The following B3GALT1 variants were observed in gnomAD, a reference collection of about 807,000 sequenced individuals.
The protein encoded by B3GALT1 is beta-1,3-galactosyltransferase 1, also known as UDP-Gal:betaGlcNAc beta 1,3-galactosyltransferase, polypeptide 1.
In B3GALT1, 10 loss-of-function variants were observed where a neutral mutation model predicts 23.2. That is an observed-to-expected ratio of 0.43 (90% CI 0.27 to 0.73). The LOEUF is 0.73. B3GALT1 is among the 30% of genes least tolerant of loss of function. The probability of loss-of-function intolerance (pLI) is 0.21; values close to 1 mark genes in which losing one functional copy is unlikely to be tolerated. For missense variants in B3GALT1, 299 were observed against 405.4 expected (o/e 0.74, Z 2.25); for synonymous variants, 156 against 141.5 (o/e 1.10, Z -0.73).
chr2:167,382,912 G>T (rs1697865461), intron 1 of B3GALT1, among the ~76,000 whole-genome samples: 1 of 152,206 alleles, frequency 6.6e-6, no homozygotes, highest in East Asian at 1.9e-4. Flanking sequence ...TACTGAAAGA[G>T]TTGGATTCAA....
At chr2:167,658,358 T>A (rs781650430) in intron 3 of B3GALT1, among the ~76,000 whole-genome samples, 51 of 152,038 alleles carry the variant, frequency 3.4e-4, no homozygotes, top group Non-Finnish European at 6.8e-4. Flanking sequence ...AAATTGATGA[T>A]TTAGTGAGAG....
At chr2:167,693,585 G>C (rs1268622973) in intron 3 of B3GALT1, among the ~76,000 whole-genome samples, 1 of 151,920 alleles carries the variant, frequency 6.6e-6, no homozygotes, top group Non-Finnish European at 1.5e-5. Context: ...CTCATAAATA[G>C]GAAAAAAGAA....
At chr2:167,402,725 G>A (rs1698212971) in intron 1 of B3GALT1, among the ~76,000 whole-genome samples, 1 of 152,090 alleles carries the variant, frequency 6.6e-6, no homozygotes, top group Non-Finnish European at 1.5e-5. Flanking sequence ...TCAGAGCTCT[G>A]CTTTTAATAA....
intron 1 of B3GALT1, among the ~76,000 whole-genome samples, chr2:167,404,043 G>C (rs1698236517): frequency 6.6e-6 from 1 of 152,082 alleles, no homozygotes; most frequent in African/African-American, 2.4e-5. Flanking sequence ...TTTGCTCACA[G>C]TTCTTCAGGC....
chr2:167,783,927 G>T (rs942537554), intron 3 of B3GALT1, among the ~76,000 whole-genome samples: 1 of 152,192 alleles, frequency 6.6e-6, no homozygotes. Flanking sequence ...GTGTAAAACA[G>T]AAATAAGCAT....
intron 2 of B3GALT1, among the ~76,000 whole-genome samples, chr2:167,513,180 C>A (rs1457531706): frequency 6.6e-6 from 1 of 151,100 alleles, no homozygotes; most frequent in Non-Finnish European, 1.5e-5. Flanking sequence ...AAGTCATCAG[C>A]CATGTATAAA....
At chr2:167,706,719 G>C (rs941266718) in intron 3 of B3GALT1, among the ~76,000 whole-genome samples, 2 of 152,214 alleles carry the variant, frequency 1.3e-5, no homozygotes, top group Non-Finnish European at 2.9e-5. Flanking sequence ...CCCCAGAAAT[G>C]ATTTTGGGAT....
At chr2:167,729,994 C>A (rs1472625103) in intron 3 of B3GALT1, among the ~76,000 whole-genome samples, 2 of 152,108 alleles carry the variant, frequency 1.3e-5, no homozygotes, top group Non-Finnish European at 2.9e-5. Flanking sequence ...GCCATCTTGG[C>A]TTATAGCTGA....
chr2:167,591,467 T>A (rs1227123), intron 2 of B3GALT1, among the ~76,000 whole-genome samples: 128,677 of 150,540 alleles, frequency 0.85, 55,367 homozygotes, highest in African/African-American at 0.96. Context: ...TTAATTAATT[T>A]ATTTATTTAT....
intron 1 of B3GALT1, among the ~76,000 whole-genome samples, chr2:167,468,794 C>T (rs542498553): frequency 1.3e-5 from 2 of 152,144 alleles, no homozygotes; most frequent in Admixed American, 6.6e-5. Flanking sequence ...TAGCTTGAAC[C>T]TGGGAGGCGG....
intron 2 of B3GALT1, among the ~76,000 whole-genome samples, chr2:167,507,840 T>G (rs1699944229): frequency 6.6e-6 from 1 of 152,152 alleles, no homozygotes; most frequent in African/African-American, 2.4e-5. Flanking sequence ...TGACAAAACC[T>G]TGTACTTAGT....
At chr2:167,605,940 A>C (rs1362393102) in intron 2 of B3GALT1, among the ~76,000 whole-genome samples, 1 of 152,144 alleles carries the variant, frequency 6.6e-6, no homozygotes, top group Non-Finnish European at 1.5e-5. Context: ...ATAGAGAAAG[A>C]TTATAGGGAT....
chr2:167,361,944 G>A (rs1161716174), intron 1 of B3GALT1, among the ~76,000 whole-genome samples: 3 of 151,956 alleles, frequency 2.0e-5, no homozygotes, highest in Non-Finnish European at 4.4e-5. Context: ...CATGGTGGCA[G>A]GCGCCCTTGG....
At chr2:167,636,340 A>G (rs946321327) in intron 2 of B3GALT1, among the ~76,000 whole-genome samples, 1 of 151,766 alleles carries the variant, frequency 6.6e-6, no homozygotes, top group Non-Finnish European at 1.5e-5. Context: ...AGCTGAAGAT[A>G]TGCTCTGTAA....
intron 3 of B3GALT1, among the ~76,000 whole-genome samples, chr2:167,736,245 T>C (rs576651802): frequency 1.9e-3 from 293 of 152,284 alleles, no homozygotes; most frequent in Non-Finnish European, 3.2e-3. Flanking sequence ...TAGTGCCACA[T>C]TTAAGAAAAA....
At chr2:167,743,381 G>A (rs1687604295) in intron 3 of B3GALT1, among the ~76,000 whole-genome samples, 1 of 152,010 alleles carries the variant, frequency 6.6e-6, no homozygotes, top group African/African-American at 2.4e-5. Context: ...GCAGTATTTT[G>A]TATAGTCAGA....
At chr2:167,343,575 C>T (rs1356527064) in intron 1 of B3GALT1, among the ~76,000 whole-genome samples, 2 of 152,082 alleles carry the variant, frequency 1.3e-5, no homozygotes, top group Non-Finnish European at 2.9e-5. Flanking sequence ...AGAAAAACCT[C>T]TTTTTTTCCT....
chr2:167,433,146 T>C (rs550487099), intron 1 of B3GALT1, among the ~76,000 whole-genome samples: 1 of 152,290 alleles, frequency 6.6e-6, no homozygotes, highest in African/African-American at 2.4e-5. Context: ...GCCTTGATAG[T>C]TTTCCCTTTT....
At chr2:167,494,176 G>T (rs544480884) in intron 2 of B3GALT1, among the ~76,000 whole-genome samples, 5 of 152,110 alleles carry the variant, frequency 3.3e-5, no homozygotes, top group African/African-American at 1.2e-4. Context: ...GCAAAAAATT[G>T]TGTCTAAGAT....
Sources: allele counts gnomAD v4.1 joint callset (sites outside exome capture counted in the v4.1 genomes callset), GRCh38; gene constraint gnomAD v4.1.1; transcripts MANE v1.5; gene names NCBI Gene and HGNC (gene_info 2026-07-23, HGNC 2026-07-21).